STK3: variants seen among roughly 807,000 people sequenced by gnomAD.
STK3 encodes the protein serine/threonine-protein kinase 3.
STK3 carries 41 observed loss-of-function variants against 58.0 expected under a neutral mutation model. The observed-to-expected ratio is 0.71, with a 90% CI of 0.55 to 0.92. STK3 has a LOEUF of 0.92. Ranked by LOEUF, STK3 falls within the 40% of genes least tolerant of loss-of-function variation. The probability of loss-of-function intolerance (pLI) is 0.00; values close to 1 mark genes in which losing one functional copy is unlikely to be tolerated. For synonymous variants in STK3, 170 were observed against 191.0 expected (o/e 0.89, Z 0.91); for missense variants, 479 against 602.7 (o/e 0.79, Z 2.15).
intron 4 of STK3, among the ~76,000 whole-genome samples, chr8:98,720,878 T>G (rs979046481): frequency 1.3e-5 from 2 of 150,850 alleles, no homozygotes; most frequent in Non-Finnish European, 2.9e-5. Context: ...TACCAACCAA[T>G]CAAAACAGCT....
At chr8:98,510,152 T>C (rs1270968057) in intron 10 of STK3, among the ~76,000 whole-genome samples, 1 of 152,130 alleles carries the variant, frequency 6.6e-6, no homozygotes, top group Admixed American at 6.6e-5. Flanking sequence ...CATACATTAT[T>C]CTAATACGTA....
At chr8:98,346,660 T>C in the STK3 span, among the ~76,000 whole-genome samples, 1 of 151,772 alleles carries the variant, frequency 6.6e-6, no homozygotes, top group Non-Finnish European at 1.5e-5. Flanking sequence ...TTGGGAGAAA[T>C]ACAAGTGAGA....
chr8:98,873,244 G>A (rs565785912), intron 3 of STK3, among the ~76,000 whole-genome samples: 5 of 152,338 alleles, frequency 3.3e-5, no homozygotes, highest in South Asian at 2.1e-4. Context: ...TTGCTGAGGA[G>A]TGCTTTACTT....
chr8:98,635,262 A>G (rs1048285897), intron 6 of STK3, among the ~76,000 whole-genome samples: 5 of 152,174 alleles, frequency 3.3e-5, no homozygotes, highest in African/African-American at 1.2e-4. Flanking sequence ...TCATGTTATC[A>G]TATGTTGTAA....
intron 9 of STK3, among the ~76,000 whole-genome samples, chr8:98,530,020 C>T (rs1189878037): frequency 6.6e-6 from 1 of 152,110 alleles, no homozygotes; most frequent in African/African-American, 2.4e-5. Context: ...AGGCATATTT[C>T]GCAGTTATTG....
upstream of STK3, among the ~76,000 whole-genome samples, chr8:98,826,395 T>C (rs1359199143): frequency 2.0e-5 from 3 of 152,228 alleles, no homozygotes; most frequent in Admixed American, 6.5e-5. Flanking sequence ...CCTCGCTACA[T>C]TTCACAATAA....
intron 10 of STK3, among the ~76,000 whole-genome samples, chr8:98,526,259 G>A (rs879568010): frequency 7.2e-5 from 11 of 151,912 alleles, no homozygotes; most frequent in Admixed American, 2.0e-4. Context: ...TATGCTCCTA[G>A]GTACAGAATA....
At chr8:98,497,633 G>A (rs1363998776) in intron 10 of STK3, among the ~76,000 whole-genome samples, 3 of 152,048 alleles carry the variant, frequency 2.0e-5, no homozygotes, top group African/African-American at 7.2e-5. Flanking sequence ...AATGAGCAAA[G>A]GGTCTGAATA....
chr8:98,608,440 T>A (rs993863334), intron 6 of STK3, among the ~76,000 whole-genome samples: 11 of 152,218 alleles, frequency 7.2e-5, no homozygotes, highest in Non-Finnish European at 1.3e-4. Flanking sequence ...TTCTTCTGTT[T>A]GATGCATGTT....
intron 1 of STK3, among the ~76,000 whole-genome samples, chr8:98,932,820 A>G (rs2132041496): frequency 6.6e-6 from 1 of 152,210 alleles, no homozygotes; most frequent in East Asian, 1.9e-4. Context: ...GAGGCTATTG[A>G]TACAGCCAAT....
intron 1 of STK3, among the ~76,000 whole-genome samples, chr8:98,900,771 C>A (rs780168832): frequency 7.3e-5 from 11 of 151,678 alleles, no homozygotes; most frequent in Admixed American, 6.6e-4. Flanking sequence ...AAGTGATTCT[C>A]CTGCCTCAGC....
chr8:98,641,161 G>A (rs1393576155), intron 6 of STK3, among the ~76,000 whole-genome samples: 1 of 152,028 alleles, frequency 6.6e-6, no homozygotes, highest in Non-Finnish European at 1.5e-5. Flanking sequence ...AACATACAAT[G>A]TTTAAGGATT....
chr8:98,663,575 T>A (rs917151515), intron 6 of STK3, among the ~76,000 whole-genome samples: 8 of 152,184 alleles, frequency 5.3e-5, no homozygotes, highest in African/African-American at 1.9e-4. Context: ...TGCACACGTA[T>A]GTTTACTGCA....
intron 3 of STK3, among the ~76,000 whole-genome samples, chr8:98,763,816 T>C (rs1830777953): frequency 6.6e-6 from 1 of 152,006 alleles, no homozygotes; most frequent in African/African-American, 2.4e-5. Context: ...AGAATTACAG[T>C]CACCTGCCAC....
At chr8:98,804,383 G>A (rs147730956) in intron 1 of STK3, among the ~76,000 whole-genome samples, 7 of 152,236 alleles carry the variant, frequency 4.6e-5, no homozygotes, top group East Asian at 1.9e-4. Context: ...ATAAGAAAAC[G>A]TTAAGACTTA....
chr8:98,712,945 C>T (rs1826632387), intron 4 of STK3, among the ~76,000 whole-genome samples: 1 of 152,210 alleles, frequency 6.6e-6, no homozygotes, highest in African/African-American at 2.4e-5. Flanking sequence ...TCTCAGACTA[C>T]AGTGCAATCA....
At chr8:98,354,750 C>T in the STK3 span, among the ~76,000 whole-genome samples, 3 of 152,156 alleles carry the variant, frequency 2.0e-5, no homozygotes, top group African/African-American at 7.2e-5. Context: ...GTAATGGCAG[C>T]AGGTATTACT....
intron 10 of STK3, among the ~76,000 whole-genome samples, chr8:98,475,081 A>G (rs1319916760): frequency 6.6e-6 from 1 of 152,198 alleles, no homozygotes; most frequent in Non-Finnish European, 1.5e-5. Context: ...TTAATAATTA[A>G]AGACGTTACT....
chr8:98,535,130 G>T (rs565776985), intron 9 of STK3, among the ~76,000 whole-genome samples: 191 of 152,270 alleles, frequency 1.3e-3, no homozygotes, highest in African/African-American at 4.4e-3. Flanking sequence ...GTCAAGGAAA[G>T]TCAGAATCAG....
Sources: allele counts gnomAD v4.1 joint callset (sites outside exome capture counted in the v4.1 genomes callset), GRCh38; gene constraint gnomAD v4.1.1; transcripts MANE v1.5; gene names NCBI Gene and HGNC (gene_info 2026-07-23, HGNC 2026-07-21).